FAT3: variants seen among roughly 807,000 people sequenced by gnomAD.
The protein encoded by FAT3 is protocadherin Fat 3.
Under a neutral mutation model 310.2 loss-of-function variants are expected in FAT3, and 95 were observed. That is an observed-to-expected ratio of 0.31 (90% CI 0.26 to 0.36). The LOEUF (loss-of-function observed/expected upper bound fraction) is 0.36, where lower values mean the gene tolerates loss of function less well. Among genes scored for constraint, FAT3 ranks in the 10% least tolerant of loss-of-function variants. The pLI is 1.00. For missense variants in FAT3, 5,408 were observed against 5,715.6 expected (o/e 0.95, Z 1.74); for synonymous variants, 2,314 against 2,192.9 (o/e 1.06, Z -1.54).
intron 12 of FAT3, among the ~76,000 whole-genome samples, chr11:92,807,130 A>G (rs984310205): frequency 2.6e-5 from 4 of 151,820 alleles, no homozygotes; most frequent in African/African-American, 9.7e-5. Flanking sequence ...ATGGAGGGGG[A>G]TCTTAAGACA....
intron 3 of FAT3, among the ~76,000 whole-genome samples, chr11:92,669,267 C>T (rs1438879616): frequency 6.6e-6 from 1 of 152,134 alleles, no homozygotes; most frequent in Non-Finnish European, 1.5e-5. Flanking sequence ...AGACAGATCC[C>T]GGCTCCAAAG....
chr11:92,430,662 C>G (rs1401671373), intron 2 of FAT3, among the ~76,000 whole-genome samples: 1 of 151,972 alleles, frequency 6.6e-6, no homozygotes, highest in East Asian at 1.9e-4. Context: ...CTTCCCCGCT[C>G]CCCCCACCCT....
At chr11:92,807,480 A>G (rs1947536130) in intron 12 of FAT3, among the ~76,000 whole-genome samples, 1 of 152,214 alleles carries the variant, frequency 6.6e-6, no homozygotes, top group Admixed American at 6.5e-5. Context: ...ATTTATTAGC[A>G]TCAAGTAAGC....
intron 18 of FAT3, among the ~76,000 whole-genome samples, chr11:92,842,869 G>A (rs1008590326): frequency 1.3e-5 from 2 of 152,158 alleles, no homozygotes; most frequent in African/African-American, 4.8e-5. Context: ...GTGGCAGGAC[G>A]AGACCATGCC....
intron 25 of FAT3, 31 bp downstream of exon 25, chr11:92,887,144 G>A: frequency 1.9e-6 from 3 of 1,565,596 alleles, no homozygotes; most frequent in Non-Finnish European, 2.6e-6. Context: ...TTCGGAGCGG[G>A]TGGGTTCTGC....
Position 92,764,963 on chromosome 11 carries a change from C to T in FAT3, c.4069C>T (p.Pro1357Ser), listed in dbSNP as rs767897778. 16 of 1,613,780 alleles carry T rather than the reference C, an allele frequency of 9.9e-6. No individual in the cohort carries two copies. Among genetic ancestry groups the T allele is most frequent in the African/African-American group, 2.7e-5 (2 of 74,890 alleles). The change falls in exon 6 of 28, where the codon CCT (proline) becomes TCT (serine). Residue 1357 changes from proline (P) to serine (S), a missense_variant. This residue lies in a region of FAT3 where 4,588 missense variants were observed against 4,809.8 expected (regional missense o/e 0.95). Transcript: ENST00000525166. Reference protein sequence around the residue: ...IEWIKKPPPSPIPLTFDEPFY... With the variant: ...IEWIKKPPPSSIPLTFDEPFY... The stretch of plus-strand genomic sequence containing the variant: ...ATGGATTAAGAAACCACCCCCTTCA[C>T]CTATACCATTGACCTTCGATGAGCC...
rs199959583 is a variant in FAT3, at chr11:92,774,058, G to T, written c.4213G>T (p.Ala1405Ser). Residue 1405 changes from alanine (A) to serine (S), a missense_variant, in exon 7 of 28, where the codon GCT becomes TCT. Ala to Ser is a moderately conservative substitution (Grantham distance 99). Around this residue, in one of 5 missense-constraint regions of FAT3, gnomAD observed 4,588 missense variants for 4,809.8 expected, o/e 0.95. Coordinates refer to ENST00000525166, the MANE Select transcript of FAT3 (RefSeq NM_001367949.2). ...ATCATCAGGGGGGAATTTTGACAGC[G>T]CTTTTGATGCAGAGAAGGGTGTTGG... ...FDIVGGNFDSAFDAEKGVGTI... is the reference protein window; with the variant it reads ...FDIVGGNFDSSFDAEKGVGTI... 6 of 1,612,818 alleles carry T rather than the reference G, an allele frequency of 3.7e-6. No homozygotes were observed. The South Asian group carries it at 4.4e-5, about 12-fold the overall frequency.
chr11:92,761,361 G>T (rs1329146184), intron 4 of FAT3, among the ~76,000 whole-genome samples: 2 of 152,114 alleles, frequency 1.3e-5, no homozygotes, highest in African/African-American at 4.8e-5. Context: ...ACCACCTAAA[G>T]GCCCCACCTC....
chr11:92,454,642 G>T (rs1220689713), intron 2 of FAT3, among the ~76,000 whole-genome samples: 1 of 152,036 alleles, frequency 6.6e-6, no homozygotes, highest in African/African-American at 2.4e-5. Flanking sequence ...CTTATGGTAG[G>T]CCTTTGAGTT....
At chr11:92,395,109 A>T (rs1444663571) in intron 2 of FAT3, among the ~76,000 whole-genome samples, 1 of 152,204 alleles carries the variant, frequency 6.6e-6, no homozygotes, top group Non-Finnish European at 1.5e-5. Context: ...GCTTAATAAC[A>T]TTAGCTAAAA....
intron 3 of FAT3, among the ~76,000 whole-genome samples, chr11:92,543,877 A>T (rs543833925): frequency 2.6e-5 from 4 of 152,284 alleles, no homozygotes; most frequent in African/African-American, 9.6e-5. Context: ...ATCTTCCCTC[A>T]AGATAGGTAA....
intron 4 of FAT3, among the ~76,000 whole-genome samples, chr11:92,760,873 T>C (rs1307003386): frequency 1.3e-5 from 2 of 152,226 alleles, no homozygotes; most frequent in African/African-American, 4.8e-5. Context: ...CTCTTTTCTA[T>C]CTCAATTTTC....
At chr11:92,433,020 C>T (rs1206105003) in intron 2 of FAT3, among the ~76,000 whole-genome samples, 1 of 152,194 alleles carries the variant, frequency 6.6e-6, no homozygotes, top group African/African-American at 2.4e-5. Context: ...TTTGCAGCAG[C>T]TTTATTTACA....
At chr11:92,466,857 T>G (rs985889063) in intron 2 of FAT3, among the ~76,000 whole-genome samples, 2 of 151,172 alleles carry the variant, frequency 1.3e-5, no homozygotes, top group African/African-American at 2.4e-5. Flanking sequence ...TTTGCTATAG[T>G]TTACTGAGAA....
chr11:92,428,673 T>C (rs1950694784), intron 2 of FAT3, among the ~76,000 whole-genome samples: 1 of 152,186 alleles, frequency 6.6e-6, no homozygotes, highest in African/African-American at 2.4e-5. Flanking sequence ...ATTGTTCAGT[T>C]TCCATATAGT....
At chr11:92,791,948 TTTTA>T (rs1412681523) in intron 8 of FAT3, among the ~76,000 whole-genome samples, 1 of 152,224 alleles carries the variant, frequency 6.6e-6, no homozygotes. Flanking sequence ...AAGTGTGACA[TTTTA>T]TTTAACATTT....
At chr11:92,835,155 G>T (rs1043565769) in intron 15 of FAT3, 71 bp downstream of exon 15, 21 of 1,333,086 alleles carry the variant, frequency 1.6e-5, no homozygotes, top group Non-Finnish European at 2.1e-5. Flanking sequence ...GAAGAAGAAA[G>T]CAAAGTCCGT....
At chr11:92,607,304 G>T (rs1258657780) in intron 3 of FAT3, among the ~76,000 whole-genome samples, 1 of 150,930 alleles carries the variant, frequency 6.6e-6, no homozygotes, top group Non-Finnish European at 1.5e-5. Context: ...GCTGAAAGAG[G>T]AGACTAAGGA....
chr11:92,490,157 A>C (rs896008794), intron 2 of FAT3, among the ~76,000 whole-genome samples: 1 of 152,136 alleles, frequency 6.6e-6, no homozygotes, highest in African/African-American at 2.4e-5. Flanking sequence ...CAAAAGAAAT[A>C]GCTCTTTTTT....
Sources: allele counts gnomAD v4.1 joint callset (sites outside exome capture counted in the v4.1 genomes callset), GRCh38; gene constraint gnomAD v4.1.1; regional missense constraint gnomAD v4.1.1; transcripts MANE v1.5; gene names NCBI Gene and HGNC (gene_info 2026-07-23, HGNC 2026-07-21).